The following ATP8A2 variants were observed in gnomAD, a reference collection of about 807,000 sequenced individuals.
ATP8A2 encodes the protein phospholipid-transporting ATPase IB.
ATP8A2 carries 100 observed loss-of-function variants against 165.6 expected under a neutral mutation model. The observed-to-expected ratio is 0.60, with a 90% CI of 0.51 to 0.71. The LOEUF is 0.71. Ranked by LOEUF, ATP8A2 falls within the 30% of genes least tolerant of loss-of-function variation. ATP8A2 has a pLI of 0.00. For synonymous variants in ATP8A2, 543 were observed against 548.8 expected (o/e 0.99, Z 0.15); for missense variants, 1,227 against 1,479.5 (o/e 0.83, Z 2.80).
chr13:25,961,657 G>A lies in ATP8A2; in HGVS notation c.3266G>A (p.Trp1089Ter). The change falls in exon 34 of 37, where the codon TGG becomes TAG. Residue 1089 changes from tryptophan (W) to a stop codon, truncating the protein, a stop_gained. Coordinates refer to ENST00000381655, the MANE Select transcript of ATP8A2 (RefSeq NM_016529.6). LOFTEE classifies it high-confidence loss of function. Reference protein sequence around the residue: ...PTACLIEDVAWRAAKHTCKKT... With the variant: ...PTACLIEDVA Reference sequence around the variant, plus strand: ...GCCTGTTTGATTGAAGATGTGGCATGGAGAGCGTAAGTTTAACAGTGAAGC... The same window carrying A: ...GCCTGTTTGATTGAAGATGTGGCATAGAGAGCGTAAGTTTAACAGTGAAGC... 1 of 1,612,860 alleles carries A rather than the reference G, an allele frequency of 6.2e-7. No homozygotes were observed. The highest frequency in any genetic ancestry group is 2.2e-5 in the East Asian group (1 of 44,882).
chr13:26,008,040 T>C (rs1956777230), intron 35 of ATP8A2, among the ~76,000 whole-genome samples: 1 of 152,162 alleles, frequency 6.6e-6, no homozygotes, highest in Non-Finnish European at 1.5e-5. Context: ...AGAGGTCCAA[T>C]TTCAGGCTTC....
Position 25,950,289 on chromosome 13 carries a change from C to A in ATP8A2, c.3184-11286C>A, listed in dbSNP as rs561925894. Among the ~76,000 whole-genome samples, 17 of 152,276 alleles carry A rather than the reference C, an allele frequency of 1.1e-4. 1 individual carries two copies. In the South Asian group the frequency reaches 3.5e-3, roughly 32 times the overall value. On this transcript the variant is annotated intron_variant, in intron 33 of 36. Coordinates refer to ENST00000381655, the MANE Select transcript of ATP8A2 (RefSeq NM_016529.6). ...AGATAACAGCTTCAGGAAGATACAG[C>A]AGAGTAGGACAGGGGTCGTTCTGGG...
chr13:25,862,206 G>A (rs1952376445), intron 32 of ATP8A2, 95 bp from the exon 33 acceptor site: 1 of 797,444 alleles, frequency 1.3e-6, no homozygotes, highest in South Asian at 1.5e-5. Flanking sequence ...ATAAGGAAAG[G>A]TAGCTTGGAT....
intron 33 of ATP8A2, among the ~76,000 whole-genome samples, chr13:25,883,346 G>T (rs1454990699): frequency 6.6e-6 from 1 of 152,156 alleles, no homozygotes; most frequent in Non-Finnish European, 1.5e-5. Context: ...TTGAACCCAG[G>T]AGGCGGAGGT....
chr13:25,961,779 C>A, intron 34 of ATP8A2, 116 bp downstream of exon 34: 2 of 780,550 alleles, frequency 2.6e-6, no homozygotes, highest in Non-Finnish European at 4.2e-6. Flanking sequence ...AGAAATGGGT[C>A]TCCTGCCACC....
intron 36 of ATP8A2, among the ~76,000 whole-genome samples, chr13:26,013,238 C>G (rs1956887168): frequency 6.6e-6 from 1 of 152,172 alleles, no homozygotes; most frequent in Non-Finnish European, 1.5e-5. Context: ...CAAGGCCAAC[C>G]CAGCCCTGCC....
intron 24 of ATP8A2, among the ~76,000 whole-genome samples, chr13:25,670,116 G>A (rs2042234714): frequency 6.6e-6 from 1 of 152,100 alleles, no homozygotes; most frequent in South Asian, 2.1e-4. Flanking sequence ...ACTATCATAG[G>A]TTTTTAATTA....
chr13:25,600,939 C>T (rs986230629), intron 24 of ATP8A2, among the ~76,000 whole-genome samples: 7 of 152,178 alleles, frequency 4.6e-5, no homozygotes, highest in East Asian at 3.8e-4. Flanking sequence ...CAAGATCGCA[C>T]GGATGTGGTC....
At chr13:25,451,923 C>T (rs1261871162) in intron 1 of ATP8A2, among the ~76,000 whole-genome samples, 4 of 150,888 alleles carry the variant, frequency 2.7e-5, no homozygotes, top group African/African-American at 7.3e-5. Context: ...GGCGTGATCT[C>T]GGCTCACTGT....
At chr13:25,782,359 T>C (rs1279267188) in intron 27 of ATP8A2, among the ~76,000 whole-genome samples, 1 of 152,240 alleles carries the variant, frequency 6.6e-6, no homozygotes, top group Non-Finnish European at 1.5e-5. Context: ...CTGTAAAGGC[T>C]GTGGCTTCAT....
intron 2 of ATP8A2, among the ~76,000 whole-genome samples, chr13:25,480,289 C>G (rs372147400): frequency 6.9e-6 from 1 of 145,248 alleles, no homozygotes; most frequent in Non-Finnish European, 1.5e-5. Flanking sequence ...GCTGGCCGGG[C>G]GGGGGGCTGA....
At chr13:25,895,211 C>G (rs1183550254) in intron 33 of ATP8A2, among the ~76,000 whole-genome samples, 1 of 152,166 alleles carries the variant, frequency 6.6e-6, no homozygotes, top group Non-Finnish European at 1.5e-5. Flanking sequence ...TATGTCCCAT[C>G]AATACCTAAT....
At chr13:25,966,708 A>C (rs1264696337) in intron 34 of ATP8A2, among the ~76,000 whole-genome samples, 1 of 152,230 alleles carries the variant, frequency 6.6e-6, no homozygotes, top group Non-Finnish European at 1.5e-5. Context: ...GAGCACTGAC[A>C]TGCTCAGACC....
intron 1 of ATP8A2, among the ~76,000 whole-genome samples, chr13:25,440,781 T>TTA (rs2034911448): frequency 6.6e-6 from 1 of 152,228 alleles, no homozygotes; most frequent in South Asian, 2.1e-4. Context: ...TAGGTATGGA[T>TTA]TATAGGTCAT....
At chr13:25,681,503 T>A (rs912461828) in intron 24 of ATP8A2, among the ~76,000 whole-genome samples, 1 of 152,166 alleles carries the variant, frequency 6.6e-6, no homozygotes, top group Non-Finnish European at 1.5e-5. Flanking sequence ...CGCTGCAGGG[T>A]TAGGGCATTG....
At chr13:25,616,955 A>T (rs1036396932) in intron 24 of ATP8A2, among the ~76,000 whole-genome samples, 6 of 152,216 alleles carry the variant, frequency 3.9e-5, no homozygotes, top group Admixed American at 1.3e-4. Flanking sequence ...TGGTACATGT[A>T]TAATTTAAGT....
chr13:25,567,410 C>A, intron 16 of ATP8A2: 1 of 456,568 alleles, frequency 2.2e-6, no homozygotes, highest in Non-Finnish European at 4.4e-6. Flanking sequence ...AGTTAGTGAT[C>A]TTTCTTCTTC....
intron 2 of ATP8A2, among the ~76,000 whole-genome samples, chr13:25,522,358 G>A (rs953796473): frequency 6.6e-6 from 1 of 152,114 alleles, no homozygotes; most frequent in African/African-American, 2.4e-5. Context: ...TGTGAACAAG[G>A]CTAATTTGAC....
rs111538194 is a variant in ATP8A2, at chr13:25,501,289, A to G, written c.222-28710A>G. ...ACATAGAAGCTCCAGGTGGCTTAGG[A>G]AGCGTGGACAGTGGCCTTCCCTCTG... On this transcript the variant is annotated intron_variant, in intron 2 of 36. Transcript: ENST00000381655. Among the ~76,000 whole-genome samples, 758 of 152,320 alleles carry G rather than the reference A, an allele frequency of 5.0e-3. 5 individuals carry two copies. Among genetic ancestry groups the G allele is most frequent in the African/African-American group, 0.018 (736 of 41,572 alleles).
Sources: gnomAD v4.1 joint callset for allele counts (sites outside exome capture counted in the v4.1 genomes callset) on GRCh38, gnomAD v4.1.1 for gene constraint, MANE v1.5 for transcripts, NCBI Gene and HGNC (gene_info 2026-07-23, HGNC 2026-07-21) for gene names.